GPR158: variants seen among roughly 807,000 people sequenced by gnomAD.
GPR158 encodes the protein G protein-coupled receptor 158.
Under a neutral mutation model 78.2 loss-of-function variants are expected in GPR158, and 30 were observed. The observed-to-expected ratio is 0.38, with a 90% CI of 0.29 to 0.52. The LOEUF (loss-of-function observed/expected upper bound fraction) is 0.52. GPR158 is among the 20% of genes least tolerant of loss of function. GPR158 has a pLI of 0.83. For synonymous variants in GPR158, 581 were observed against 591.1 expected, an observed-to-expected ratio of 0.98 and a Z score of 0.25; for missense variants, 1,463 against 1,523.5, an observed-to-expected ratio of 0.96 and a Z score of 0.66.
At chr10:25,325,024 T>A (rs1303279245) in intron 2 of GPR158, among the ~76,000 whole-genome samples, 1 of 151,770 alleles carries the variant, frequency 6.6e-6, no homozygotes, top group East Asian at 1.9e-4. Flanking sequence ...TTTTTATTTC[T>A]GTGGAGATGG....
At chr10:25,493,300 G>A (rs2987840) in intron 5 of GPR158, among the ~76,000 whole-genome samples, 4 of 151,922 alleles carry the variant, frequency 2.6e-5, no homozygotes, top group Non-Finnish European at 5.9e-5. Flanking sequence ...CATTACTCAC[G>A]CAATTCCTCT....
intron 4 of GPR158, among the ~76,000 whole-genome samples, chr10:25,419,957 C>T (rs1834724436): frequency 6.6e-6 from 1 of 152,098 alleles, no homozygotes; most frequent in Admixed American, 6.6e-5. Context: ...AGTTTTACTA[C>T]TCTAAAAATC....
At chr10:25,496,518 G>A (rs886270663) in intron 5 of GPR158, among the ~76,000 whole-genome samples, 2 of 152,204 alleles carry the variant, frequency 1.3e-5, no homozygotes, top group Admixed American at 6.6e-5. Context: ...AAGACTCTGG[G>A]GAGTTTTAAA....
chr10:25,413,761 T>G (rs902094462), intron 4 of GPR158, among the ~76,000 whole-genome samples: 2 of 152,208 alleles, frequency 1.3e-5, no homozygotes, highest in African/African-American at 4.8e-5. Flanking sequence ...TATGTTAATG[T>G]TATAGACTTT....
At chr10:25,204,818 GTTTT>G (rs1159106958) in intron 1 of GPR158, among the ~76,000 whole-genome samples, 1 of 118,968 alleles carries the variant, frequency 8.4e-6, no homozygotes, top group Non-Finnish European at 1.7e-5. Flanking sequence ...GTCTCTGAGG[GTTTT>G]TTTTTTTTTT....
intron 6 of GPR158, among the ~76,000 whole-genome samples, chr10:25,564,106 T>A (rs1836896964): frequency 6.6e-6 from 1 of 152,206 alleles, no homozygotes; most frequent in Non-Finnish European, 1.5e-5. Context: ...TTCTGTTGGG[T>A]TAGTAGTCAG....
At chr10:25,281,603 A>C (rs1854275862) in intron 2 of GPR158, among the ~76,000 whole-genome samples, 1 of 151,988 alleles carries the variant, frequency 6.6e-6, no homozygotes, top group Non-Finnish European at 1.5e-5. Context: ...ACAACTAAAA[A>C]TAATGAAAAT....
At position 25,374,692 on chromosome 10, in the gene GPR158, A is replaced by G. The variant is rs958824687; in HGVS notation, c.1009-21219A>G. On this transcript the variant is annotated intron_variant, in intron 2 of 10. Coordinates refer to ENST00000376351, the MANE Select transcript of GPR158 (RefSeq NM_020752.3). ...TGAGACTGTTTTCTCCGCATAATTC[A>G]TATGAGATCTGTCCAAGTTGTTGTG... Among the ~76,000 whole-genome samples the G allele has an allele frequency of 1.3e-5, 2 of 151,884 alleles. 1 individual carries two copies.
At chr10:25,522,098 T>C (rs1207322255) in intron 5 of GPR158, among the ~76,000 whole-genome samples, 1 of 152,218 alleles carries the variant, frequency 6.6e-6, no homozygotes, top group African/African-American at 2.4e-5. Context: ...ATAATTCTGG[T>C]GTAGCCAGTT....
chr10:25,291,803 G>T (rs1005865687), intron 2 of GPR158, among the ~76,000 whole-genome samples: 2 of 151,862 alleles, frequency 1.3e-5, no homozygotes, highest in Admixed American at 6.6e-5. Context: ...AGAGGGAAAT[G>T]GAATAGCACA....
rs550680341 is a variant in GPR158 at position 25,490,349 on chromosome 10, A to T, written c.1404+23630A>T. Among the ~76,000 whole-genome samples, 1,345 of 148,756 alleles carry T rather than the reference A, an allele frequency of 9.0e-3. 9 individuals are homozygous for T. The highest frequency in any genetic ancestry group is 0.015 in the Non-Finnish European group (997 of 67,372). On this transcript the variant is annotated intron_variant, in intron 5 of 10. Coordinates refer to ENST00000376351, the MANE Select transcript of GPR158 (RefSeq NM_020752.3). ...GGTACATGTGCACATTGTGCAGGTT[A>T]GTTACATATGTATACATGTGCCATG...
At chr10:25,256,213 C>T (rs1853886631) in intron 2 of GPR158, among the ~76,000 whole-genome samples, 1 of 151,266 alleles carries the variant, frequency 6.6e-6, no homozygotes, top group African/African-American at 2.4e-5. Context: ...AGAGTAAACA[C>T]CAAACAGCGT....
chr10:25,330,602 A>G (rs939208778), intron 2 of GPR158, among the ~76,000 whole-genome samples: 2 of 152,212 alleles, frequency 1.3e-5, no homozygotes, highest in African/African-American at 4.8e-5. Flanking sequence ...TGTTTAGGAA[A>G]CAGTTTATGG....
intron 4 of GPR158, among the ~76,000 whole-genome samples, chr10:25,438,726 T>G (rs1612726): frequency 0.69 from 105,114 of 152,128 alleles, 37,223 homozygotes; most frequent in Non-Finnish European, 0.78. Context: ...TAATATGGTT[T>G]CAAGGCATCT....
chr10:25,502,886 C>T (rs1835960783), intron 5 of GPR158, among the ~76,000 whole-genome samples: 1 of 152,102 alleles, frequency 6.6e-6, no homozygotes, highest in Non-Finnish European at 1.5e-5. Flanking sequence ...AAAAAGGGCA[C>T]CAAACACAGG....
At position 25,599,428 on chromosome 10, in the gene GPR158, G is replaced by C. The variant is rs1359421124; in HGVS notation, c.*154G>C. The C allele has an allele frequency of 6.4e-6, 4 of 622,158 alleles. No homozygotes were observed. Among genetic ancestry groups the C allele is most frequent in the Non-Finnish European group, 1.1e-5 (4 of 361,048 alleles). 38.5% of individuals were successfully genotyped at this position (622,158 alleles called of 1,614,324 possible). On this transcript the variant is annotated 3_prime_UTR_variant, in exon 11 of 11. Coordinates refer to ENST00000376351, the MANE Select transcript of GPR158 (RefSeq NM_020752.3). ...AAGGCATGGGTAGAAGAGGACCAGGGGGGCAAGAGCAACAACGTCATAATG... is the reference window on the plus strand; with the variant it reads ...AAGGCATGGGTAGAAGAGGACCAGGCGGGCAAGAGCAACAACGTCATAATG...
intron 2 of GPR158, among the ~76,000 whole-genome samples, chr10:25,281,740 A>G (rs928018518): frequency 5.9e-5 from 9 of 152,178 alleles, no homozygotes; most frequent in African/African-American, 2.2e-4. Context: ...GAATAAGCCA[A>G]GAGAAAGTAA....
chr10:25,230,121 G>T (rs1853429012), intron 2 of GPR158, among the ~76,000 whole-genome samples: 1 of 152,120 alleles, frequency 6.6e-6, no homozygotes, highest in African/African-American at 2.4e-5. Flanking sequence ...TAAAATCAGT[G>T]ACTAAAAAGA....
chr10:25,466,189 T>C (rs1054482571), intron 4 of GPR158: 1 of 152,810 alleles, frequency 6.5e-6, no homozygotes, highest in Non-Finnish European at 1.5e-5. Context: ...ACTTTCACTT[T>C]CATTTTAATA....
Sources: gnomAD v4.1 joint callset for allele counts (sites outside exome capture counted in the v4.1 genomes callset) on GRCh38, gnomAD v4.1.1 for gene constraint, MANE v1.5 for transcripts, NCBI Gene and HGNC (gene_info 2026-07-23, HGNC 2026-07-21) for gene names.